The following DPY19L4 variants were observed in gnomAD, a reference collection of about 807,000 sequenced individuals.
DPY19L4 encodes probable C-mannosyltransferase DPY19L4.
DPY19L4 carries 97 observed loss-of-function variants against 102.8 expected under a neutral mutation model. The observed-to-expected ratio is 0.94, with a 90% CI of 0.80 to 1.12. The LOEUF is 1.12. DPY19L4 is among the 50% of genes most tolerant of loss of function. The pLI is 0.00. For synonymous variants in DPY19L4, 252 were observed against 283.1 expected (o/e 0.89, Z 1.10); for missense variants, 815 against 850.4 (o/e 0.96, Z 0.52).
At chr8:94,720,605 G>A (rs982743534) in intron 1 of DPY19L4, among the ~76,000 whole-genome samples, 4 of 152,210 alleles carry the variant, frequency 2.6e-5, no homozygotes, top group African/African-American at 9.6e-5. Context: ...TTTGGGAGAT[G>A]ATGAGGCCAG....
At chr8:94,754,497 A>G (rs1422712384) in intron 6 of DPY19L4, among the ~76,000 whole-genome samples, 5 of 152,174 alleles carry the variant, frequency 3.3e-5, no homozygotes, top group Admixed American at 1.3e-4. Flanking sequence ...CAACTCTGAT[A>G]CCAGTATTCA....
intron 3 of DPY19L4, among the ~76,000 whole-genome samples, chr8:94,738,057 G>A (rs1271017565): frequency 1.3e-5 from 2 of 151,652 alleles, no homozygotes; most frequent in Non-Finnish European, 2.9e-5. Context: ...GGTGGCTTAC[G>A]CCTGTAATCC....
intron 1 of DPY19L4, among the ~76,000 whole-genome samples, chr8:94,724,866 G>C (rs2130782359): frequency 6.6e-6 from 1 of 152,306 alleles, no homozygotes; most frequent in African/African-American, 2.4e-5. Flanking sequence ...GGGATTACAG[G>C]TGTGAGCCAC....
In DPY19L4 at chr8:94,750,569, G is replaced by T. The variant is rs1328916678; in HGVS notation, c.612-5467G>T. 2.0e-5 allele frequency among the ~76,000 whole-genome samples: 3 copies of T among 152,074 alleles called. No homozygotes were observed. The East Asian group carries it at 5.8e-4, about 29-fold the overall frequency. ...TGCATATATATGTGTATCTGTGTGT[G>T]TGTGTGTGTATATATATGCAAACCT... is the stretch of plus-strand genomic sequence containing the variant. On this transcript the variant is annotated intron_variant, in intron 6 of 18. Coordinates refer to ENST00000414645, the MANE Select transcript of DPY19L4 (RefSeq NM_181787.3).
At position 94,729,829 on chromosome 8, in the gene DPY19L4, T is replaced by C. The variant is rs374671022; in HGVS notation, c.127+3388T>C. Among the ~76,000 whole-genome samples the C allele has an allele frequency of 4.0e-5, 6 of 150,746 alleles. No homozygotes were observed. The South Asian group carries it at 1.2e-3, about 31-fold the overall frequency. ...CTGGACGATGCAGCAAGACTCTGTC[T>C]CAAAAAACAAACAAACAAAAAAGTT... On this transcript the variant is annotated intron_variant, in intron 2 of 18. Transcript: ENST00000414645.
intron 14 of DPY19L4, among the ~76,000 whole-genome samples, chr8:94,779,920 A>G (rs1389386884): frequency 1.3e-5 from 2 of 152,048 alleles, no homozygotes; most frequent in Non-Finnish European, 2.9e-5. Flanking sequence ...GAGAGTTTAT[A>G]TGTTCTTATT....
rs1488530669 is a variant in DPY19L4, at chr8:94,770,477, A to T, written c.1360A>T (p.Thr454Ser). The stretch of plus-strand genomic sequence containing the variant: ...TGGTAAGTCCCTGAAGGAAACTGTT[A>T]CTCTTGAAGATGGACGAATTGGAGA... ...INGKSLKETV[T>S]LEDGRIGERP... Residue 454 changes from threonine to serine, a missense_variant, in exon 13 of 19, where the codon ACT becomes TCT. Thr to Ser is a moderately conservative substitution (Grantham distance 58, BLOSUM62 1). Coordinates refer to ENST00000414645, the MANE Select transcript of DPY19L4 (RefSeq NM_181787.3). The T allele has an allele frequency of 6.2e-7, 1 of 1,613,056 alleles. No homozygotes were observed. The highest frequency in any genetic ancestry group is 2.2e-5 in the East Asian group (1 of 44,824).
chr8:94,758,852 G>A (rs1812278073), intron 7 of DPY19L4, among the ~76,000 whole-genome samples: 1 of 151,244 alleles, frequency 6.6e-6, no homozygotes, highest in Middle Eastern at 3.2e-3. Flanking sequence ...ACCATGTATC[G>A]GCCTCCCTAG....
intron 13 of DPY19L4, among the ~76,000 whole-genome samples, chr8:94,776,369 A>G (rs1453122252): frequency 6.6e-6 from 1 of 151,634 alleles, no homozygotes; most frequent in Non-Finnish European, 1.5e-5. Context: ...AGGTTTCACC[A>G]TGTTGGCCAG....
chr8:94,777,817 T>C (rs372338486), intron 14 of DPY19L4, 31 bp downstream of exon 14: 13 of 1,582,116 alleles, frequency 8.2e-6, no homozygotes, highest in African/African-American at 1.4e-5. Flanking sequence ...GTTTCTCTTC[T>C]AATTATATAA....
intron 1 of DPY19L4, among the ~76,000 whole-genome samples, chr8:94,721,118 A>G (rs1445754895): frequency 6.6e-6 from 1 of 152,060 alleles, no homozygotes; most frequent in Non-Finnish European, 1.5e-5. Flanking sequence ...GGTTAATGTT[A>G]TATTTTGAGT....
intron 8 of DPY19L4, among the ~76,000 whole-genome samples, chr8:94,764,222 A>C (rs962918859): frequency 2.0e-5 from 3 of 152,204 alleles, no homozygotes; most frequent in African/African-American, 7.2e-5. Context: ...AGGTTCTTCC[A>C]GTCTGATTTA....
At chr8:94,773,580 G>A (rs960542994) in intron 13 of DPY19L4, among the ~76,000 whole-genome samples, 18 of 151,638 alleles carry the variant, frequency 1.2e-4, no homozygotes, top group African/African-American at 4.1e-4. Context: ...ACAGGCATGC[G>A]CCACCACGCC....
In DPY19L4 at chr8:94,726,454, G is replaced by A; in HGVS notation, c.127+13G>A. 6.3e-7 allele frequency: 1 copy of A among 1,583,598 alleles called. No homozygotes were observed. On this transcript the variant is annotated intron_variant, in intron 2 of 18. Transcript: ENST00000414645. ...AGAGCTCCAAAACGTAAGTTAGATAGACTTGGAATTTGTGCTACTACAAAA... is the reference window on the plus strand; with the variant it reads ...AGAGCTCCAAAACGTAAGTTAGATAAACTTGGAATTTGTGCTACTACAAAA...
rs1469735009 is a variant in DPY19L4, at chr8:94,776,187, C to T, written c.1455-1479C>T. 7.2e-5 allele frequency among the ~76,000 whole-genome samples: 11 copies of T among 152,066 alleles called. No individual in the cohort carries two copies. The East Asian group carries it at 2.1e-3, about 29-fold the overall frequency. ...AGCTGGGACTACAGGCGCCCACCAC[C>T]ATGCCCAGCTAATTTTTTGCATTTT... is the stretch of plus-strand genomic sequence containing the variant. On this transcript the variant is annotated intron_variant, in intron 13 of 18. Transcript: ENST00000414645.
chr8:94,750,001 G>C (rs901490181), intron 6 of DPY19L4, among the ~76,000 whole-genome samples: 2 of 152,044 alleles, frequency 1.3e-5, no homozygotes, highest in Non-Finnish European at 2.9e-5. Flanking sequence ...TGTAACCCAG[G>C]CTGTAGTGCA....
rs2130888813 is a variant in DPY19L4 at position 94,765,721 on chromosome 8, A to G, written c.1013A>G (p.Lys338Arg). The change falls in exon 10 of 19, where the codon AAG becomes AGG. Residue 338 changes from lysine to arginine, a missense_variant. By Grantham distance (26) the Lys-to-Arg change is conservative. Transcript: ENST00000414645. ...MLAKCLQLNV[K>R]KGSFVAKIIK... ...ATTTTTCCTCCACAGCTGAATGTGA[A>G]GAAAGGAAGTTTTGTAGCTAAAATA... The G allele has an allele frequency of 1.3e-6, 2 of 1,599,876 alleles. No homozygotes were observed. Among genetic ancestry groups the G allele is most frequent in the Non-Finnish European group, 1.7e-6 (2 of 1,171,776 alleles).
At chr8:94,732,037 C>T (rs1193164524) in intron 2 of DPY19L4, among the ~76,000 whole-genome samples, 1 of 152,168 alleles carries the variant, frequency 6.6e-6, no homozygotes. Flanking sequence ...TCCCAAAGTG[C>T]TGGGATTACA....
In DPY19L4 at chr8:94,773,448, T is replaced by C. The variant is rs1813020391; in HGVS notation, c.1454+2877T>C. 1.3e-5 allele frequency among the ~76,000 whole-genome samples: 2 copies of C among 152,128 alleles called. 1 individual carries two copies. Among genetic ancestry groups the C allele is most frequent in the South Asian group, 4.1e-4 (2 of 4,826 alleles). On this transcript the variant is annotated intron_variant, in intron 13 of 18. Coordinates refer to ENST00000414645, the MANE Select transcript of DPY19L4 (RefSeq NM_181787.3). ...TTTAAGTTTTTGGTTTTTGTTTTTG[T>C]TTTTTGAAACAGAGTCTTTGTCGCC...
Sources: allele counts gnomAD v4.1 joint callset (sites outside exome capture counted in the v4.1 genomes callset), GRCh38; gene constraint gnomAD v4.1.1; transcripts MANE v1.5; gene names NCBI Gene and HGNC (gene_info 2026-07-23, HGNC 2026-07-21).